BEND4: variants seen among roughly 807,000 people sequenced by gnomAD.
BEND4 encodes the protein BEN domain containing 4.
Under a neutral mutation model 54.7 loss-of-function variants are expected in BEND4, and 27 were observed. The observed-to-expected ratio is 0.49, with a 90% confidence interval of 0.36 to 0.68. The LOEUF is 0.68. Ranked by LOEUF, BEND4 falls within the 30% of genes least tolerant of loss-of-function variation. The pLI is 0.00. For synonymous variants in BEND4, 327 were observed against 299.5 expected (o/e 1.09, Z -0.95); for missense variants, 702 against 697.2 (o/e 1.01, Z -0.08).
chr4:42,148,736 T>C (rs1218851793), intron 2 of BEND4, among the ~76,000 whole-genome samples: 1 of 152,238 alleles, frequency 6.6e-6, no homozygotes, highest in Non-Finnish European at 1.5e-5. Flanking sequence ...GAATGACCTA[T>C]GCAATTATAT....
chr4:42,123,142 A>T (rs926621175), intron 4 of BEND4, among the ~76,000 whole-genome samples: 1 of 152,270 alleles, frequency 6.6e-6, no homozygotes, highest in Non-Finnish European at 1.5e-5. Flanking sequence ...AGCACAATTC[A>T]GAATGCTCTC....
At chr4:42,121,590 T>G (rs1720061777) in intron 4 of BEND4, among the ~76,000 whole-genome samples, 2 of 152,226 alleles carry the variant, frequency 1.3e-5, no homozygotes, top group African/African-American at 4.8e-5. Context: ...GTACAAGATA[T>G]GACTATTTGG....
At chr4:42,125,714 C>T (rs1720251698) in intron 3 of BEND4, 40 bp from the exon 4 acceptor site, 4 of 1,300,118 alleles carry the variant, frequency 3.1e-6, no homozygotes, top group Admixed American at 2.3e-5. Context: ...ATTGGCTATC[C>T]CGTAACATGA....
intron 2 of BEND4, among the ~76,000 whole-genome samples, chr4:42,146,694 A>G (rs1413751262): frequency 6.6e-6 from 1 of 152,216 alleles, no homozygotes; most frequent in Non-Finnish European, 1.5e-5. Context: ...TTTTAATCCT[A>G]TAATCCCATT....
chr4:42,129,577 T>G (rs1720428344), intron 3 of BEND4, among the ~76,000 whole-genome samples: 1 of 152,030 alleles, frequency 6.6e-6, no homozygotes, highest in Non-Finnish European at 1.5e-5. Flanking sequence ...AGAACTCAAA[T>G]AAGACTGCAC....
chr4:42,117,731 G>A lies in BEND4; in HGVS notation c.1392C>T (p.Phe464=). 1 of 1,592,518 alleles carries A rather than the reference G, an allele frequency of 6.3e-7. No homozygotes were observed. Among genetic ancestry groups the A allele is most frequent in the South Asian group, 1.1e-5 (1 of 87,722 alleles). Residue 464 remains phenylalanine (F), a synonymous_variant, in exon 6 of 6, where the codon TTC becomes TTT. Coordinates refer to ENST00000502486, the MANE Select transcript of BEND4 (RefSeq NM_207406.4). ...GGTTGGAGGTACAATGCATCCTAAT[G>A]AATTCTGCAGGAATATATACAACAT... is the stretch of plus-strand genomic sequence containing the variant. ...DPVKVTCLRE[F]IRMHCTSNPD...
intron 2 of BEND4, among the ~76,000 whole-genome samples, chr4:42,150,873 C>G (rs1317412263): frequency 6.6e-6 from 1 of 152,202 alleles, no homozygotes; most frequent in Non-Finnish European, 1.5e-5. Context: ...CCCCGCGGCG[C>G]GGCAGCGTGC....
At chr4:42,121,601 G>C (rs2153144780) in intron 4 of BEND4, among the ~76,000 whole-genome samples, 1 of 152,308 alleles carries the variant, frequency 6.6e-6, no homozygotes, top group South Asian at 2.1e-4. Flanking sequence ...GACTATTTGG[G>C]AGCATGAGCC....
chr4:42,142,821 A>C (rs146665938), intron 3 of BEND4, among the ~76,000 whole-genome samples: 162 of 152,252 alleles, frequency 1.1e-3, no homozygotes, highest in Admixed American at 3.3e-3. Flanking sequence ...CGGCTTAATT[A>C]CTGGTCTATC....
At position 42,137,316 on chromosome 4, in the gene BEND4, CA is replaced by C. The variant is rs1194668605; in HGVS notation, c.1054+6111del. On this transcript the variant is annotated intron_variant, in intron 3 of 5. Coordinates refer to ENST00000502486, the MANE Select transcript of BEND4 (RefSeq NM_207406.4). ...TGTGGGAAAACTGGATTTCTACATGCAAAAGAATGAAATTAGACCCTTGCCT... is the reference window on the plus strand; with the variant it reads ...TGTGGGAAAACTGGATTTCTACATGCAAAGAATGAAATTAGACCCTTGCCT... 2.0e-5 allele frequency among the ~76,000 whole-genome samples: 3 copies of C among 152,056 alleles called. 1 individual carries two copies. The highest frequency in any genetic ancestry group is 2.9e-5 in the Non-Finnish European group (2 of 68,004).
At chr4:42,147,951 T>C (rs753139585) in intron 2 of BEND4, among the ~76,000 whole-genome samples, 1 of 152,174 alleles carries the variant, frequency 6.6e-6, no homozygotes, top group Admixed American at 6.5e-5. Context: ...TCTGCTTCTA[T>C]GAAGGAGATC....
At chr4:42,140,460 A>T (rs1186982313) in intron 3 of BEND4, among the ~76,000 whole-genome samples, 1 of 152,180 alleles carries the variant, frequency 6.6e-6, no homozygotes, top group Admixed American at 6.5e-5. Context: ...CGGGGACGGG[A>T]TTGTCAACAG....
rs564461327 is a variant in BEND4, at chr4:42,113,440, T to C, written c.*4078A>G. 2 of 152,262 alleles carry C rather than the reference T, an allele frequency of 1.3e-5. No individual in the cohort carries two copies. Among genetic ancestry groups the C allele is most frequent in the East Asian group, 1.9e-4 (1 of 5,192 alleles). The allele number at this position is 152,262 out of a possible 1,614,324, so 9.4% of individuals were successfully genotyped here. A position where few individuals can be genotyped will look rare whatever the true frequency, so the allele number is the denominator to read the frequency against. On this transcript the variant is annotated 3_prime_UTR_variant, in exon 6 of 6. Coordinates refer to ENST00000502486, the MANE Select transcript of BEND4 (RefSeq NM_207406.4). ...ATGGATGTTTGCTTTTCTGAACATATAGTGCACGTTTCATCTTTACCTGAT... is the reference window on the plus strand; with the variant it reads ...ATGGATGTTTGCTTTTCTGAACATACAGTGCACGTTTCATCTTTACCTGAT...
rs529931109 is a variant in BEND4, at chr4:42,152,342, C to T, written c.-199G>A. On this transcript the variant is annotated 5_prime_UTR_variant, in exon 2 of 6. Transcript: ENST00000502486. ...GAGCCCCCGCGCGGGGGGCTGCCGC[C>T]CGAGCTCCTGATTGACAGGCTGCCT... The T allele has an allele frequency of 6.1e-5, 22 of 358,282 alleles. No homozygotes were observed. The South Asian group carries it at 1.7e-3, about 27-fold the overall frequency. The allele number at this position is 358,282 out of a possible 1,614,324, so 22.2% of individuals were successfully genotyped here. A position where few individuals can be genotyped will look rare whatever the true frequency, so the allele number is the denominator to read the frequency against.
intron 3 of BEND4, among the ~76,000 whole-genome samples, chr4:42,127,554 A>ACTC (rs1395423919): frequency 6.6e-6 from 1 of 152,236 alleles, no homozygotes; most frequent in African/African-American, 2.4e-5. Context: ...AAGTCTTGAG[A>ACTC]AACAAATGGA....
chr4:42,128,602 C>T (rs558537227), intron 3 of BEND4, among the ~76,000 whole-genome samples: 28 of 150,836 alleles, frequency 1.9e-4, no homozygotes, highest in African/African-American at 6.3e-4. Context: ...CCAGCCTAGG[C>T]GACAGAGCAA....
At chr4:42,138,586 C>T (rs1287122715) in intron 3 of BEND4, among the ~76,000 whole-genome samples, 3 of 152,122 alleles carry the variant, frequency 2.0e-5, no homozygotes, top group Non-Finnish European at 2.9e-5. Flanking sequence ...GCTCTTGCTA[C>T]AAGAACAACA....
At chr4:42,134,924 C>T (rs1720644209) in intron 3 of BEND4, among the ~76,000 whole-genome samples, 1 of 152,174 alleles carries the variant, frequency 6.6e-6, no homozygotes, top group African/African-American at 2.4e-5. Flanking sequence ...GCACTGAGGG[C>T]TCAGTCTCCA....
intron 3 of BEND4, among the ~76,000 whole-genome samples, chr4:42,130,437 G>A (rs954055135): frequency 3.7e-5 from 5 of 134,750 alleles, no homozygotes; most frequent in African/African-American, 8.8e-5. Flanking sequence ...CCGAGATCAC[G>A]CCATTGCACT....
Sources: gnomAD v4.1 joint callset for allele counts (sites outside exome capture counted in the v4.1 genomes callset) on GRCh38, gnomAD v4.1.1 for gene constraint, MANE v1.5 for transcripts, NCBI Gene and HGNC (gene_info 2026-07-23, HGNC 2026-07-21) for gene names.